Variants in PACSIN2 observed in about 807,000 individuals in gnomAD.
PACSIN2 encodes protein kinase C and casein kinase substrate in neurons 2, also known as protein kinase C and casein kinase substrate in neurons protein 2.
In PACSIN2, 25 loss-of-function variants were observed where a neutral mutation model predicts 63.8. The ratio of observed to expected loss-of-function variants is 0.39; its 90% CI spans 0.29 to 0.55. The LOEUF is 0.55. Among genes scored for constraint, PACSIN2 ranks in the 20% least tolerant of loss-of-function variants. PACSIN2 has a pLI of 0.62. For missense variants in PACSIN2, 518 were observed against 646.9 expected (o/e 0.80, Z 2.16); for synonymous variants, 255 against 256.2 (o/e 1.00, Z 0.05).
chr22:42,980,178 A>G (rs1921985272), intron 1 of PACSIN2, among the ~76,000 whole-genome samples: 1 of 152,212 alleles, frequency 6.6e-6, no homozygotes, highest in Non-Finnish European at 1.5e-5. Flanking sequence ...TTCCACATTC[A>G]TGTTGCTTCT....
intron 7 of PACSIN2, among the ~76,000 whole-genome samples, chr22:42,881,099 T>A (rs1031638903): frequency 6.6e-6 from 1 of 152,128 alleles, no homozygotes; most frequent in African/African-American, 2.4e-5. Context: ...TGGGAGCAAG[T>A]CCTGGGGCTG....
intron 1 of PACSIN2, among the ~76,000 whole-genome samples, chr22:42,983,088 G>A (rs1346941109): frequency 6.6e-6 from 1 of 151,060 alleles, no homozygotes; most frequent in Non-Finnish European, 1.5e-5. Context: ...AAGCTGAGGC[G>A]GGTGGATTAC....
At chr22:42,901,357 G>A (rs985403385) in intron 2 of PACSIN2, among the ~76,000 whole-genome samples, 4 of 152,180 alleles carry the variant, frequency 2.6e-5, no homozygotes, top group Non-Finnish European at 2.9e-5. Context: ...CAACTCTTTA[G>A]GGATTCCTTA....
intron 1 of PACSIN2, among the ~76,000 whole-genome samples, chr22:42,972,820 C>T (rs966194760): frequency 3.9e-5 from 6 of 152,198 alleles, no homozygotes; most frequent in Non-Finnish European, 7.3e-5. Flanking sequence ...CCTCAGCCTC[C>T]TGTGTACCTG....
intron 1 of PACSIN2, among the ~76,000 whole-genome samples, chr22:42,991,823 A>G (rs1391566705): frequency 6.6e-6 from 1 of 152,096 alleles, no homozygotes. Context: ...AAAAAAAAAA[A>G]AAAAAAACCT....
intron 1 of PACSIN2, among the ~76,000 whole-genome samples, chr22:42,989,885 T>C (rs71328664): frequency 0.039 from 5,199 of 131,670 alleles, 163 homozygotes; most frequent in Middle Eastern, 0.079. Flanking sequence ...TATATATATA[T>C]ACACACACAC....
intron 8 of PACSIN2, among the ~76,000 whole-genome samples, chr22:42,877,963 T>A (rs1225510609): frequency 6.6e-6 from 1 of 152,222 alleles, no homozygotes; most frequent in African/African-American, 2.4e-5. Context: ...AGGGTGATCC[T>A]GAGTGGCCAG....
At chr22:42,895,166 C>T (rs1569235390) in intron 2 of PACSIN2, among the ~76,000 whole-genome samples, 2 of 152,240 alleles carry the variant, frequency 1.3e-5, no homozygotes, top group South Asian at 4.1e-4. Context: ...TGAGCTGAAC[C>T]TGAGCATCCA....
At chr22:43,012,307 C>CA (rs35192048) in intron 1 of PACSIN2, among the ~76,000 whole-genome samples, 20,593 of 51,688 alleles carry the variant, frequency 0.4, 5,436 homozygotes, top group Non-Finnish European at 0.49. Flanking sequence ...GACTCTCTCT[C>CA]AAAAAAAAAA....
At chr22:42,911,201 G>A (rs1931432514) in intron 2 of PACSIN2, among the ~76,000 whole-genome samples, 1 of 152,020 alleles carries the variant, frequency 6.6e-6, no homozygotes, top group Non-Finnish European at 1.5e-5. Flanking sequence ...ACTGCGCCCG[G>A]CCATGCAAAG....
In PACSIN2 at chr22:42,962,468, A is replaced by G. The variant is rs114244130; in HGVS notation, c.-77-50311T>C. ...CAGGCTACACAACACTGCCCCTCCAACTTGACTTCCCTCAACGGTCAGAAC... is the reference window on the plus strand; with the variant it reads ...CAGGCTACACAACACTGCCCCTCCAGCTTGACTTCCCTCAACGGTCAGAAC... On this transcript the variant is annotated intron_variant, in intron 1 of 10. Transcript: ENST00000263246. Among the ~76,000 whole-genome samples the G allele has an allele frequency of 6.5e-3, 987 of 152,052 alleles. 13 individuals carry two copies. The highest frequency in any genetic ancestry group is 0.023 in the African/African-American group (957 of 41,472).
intron 1 of PACSIN2, among the ~76,000 whole-genome samples, chr22:42,923,673 C>T (rs1326722863): frequency 4.6e-5 from 7 of 152,256 alleles, no homozygotes; most frequent in South Asian, 2.1e-4. Context: ...GTGATCCGCC[C>T]GCCTCGGCCT....
intron 6 of PACSIN2, 88 bp from the exon 7 acceptor site, chr22:42,882,392 G>A: frequency 6.9e-7 from 1 of 1,445,730 alleles, no homozygotes; most frequent in Non-Finnish European, 9.4e-7. Context: ...CAGGTCCCGT[G>A]GTCTCTGCCC....
At chr22:42,906,798 C>T (rs1013317333) in intron 2 of PACSIN2, among the ~76,000 whole-genome samples, 17 of 152,144 alleles carry the variant, frequency 1.1e-4, no homozygotes, top group South Asian at 2.1e-4. Context: ...ACGAAGATTA[C>T]GCAATATACA....
At chr22:42,915,319 T>C (rs1185810199) in intron 1 of PACSIN2, among the ~76,000 whole-genome samples, 2 of 152,202 alleles carry the variant, frequency 1.3e-5, no homozygotes, top group Non-Finnish European at 2.9e-5. Context: ...CATATGCTCT[T>C]AGCTGACCAA....
intron 1 of PACSIN2, among the ~76,000 whole-genome samples, chr22:42,929,725 G>A (rs1014654964): frequency 2.0e-5 from 3 of 152,154 alleles, no homozygotes; most frequent in African/African-American, 7.2e-5. Context: ...AGAGTGACCC[G>A]CCACCCGGGG....
chr22:42,906,726 C>T (rs935491293), intron 2 of PACSIN2, among the ~76,000 whole-genome samples: 1 of 152,166 alleles, frequency 6.6e-6, no homozygotes, highest in Admixed American at 6.5e-5. Context: ...GTTCAGAAAT[C>T]CCAGAACAGC....
intron 1 of PACSIN2, among the ~76,000 whole-genome samples, chr22:42,957,056 C>T (rs1041023392): frequency 1.1e-4 from 17 of 152,134 alleles, no homozygotes; most frequent in South Asian, 1.0e-3. Context: ...ATGGGAGAAG[C>T]GAACTAAGCC....
At chr22:42,924,226 G>T (rs73886179) in intron 1 of PACSIN2, among the ~76,000 whole-genome samples, 1 of 151,998 alleles carries the variant, frequency 6.6e-6, no homozygotes, top group African/African-American at 2.4e-5. Context: ...CAGACCCCCT[G>T]CATCTCTCCA....
Sources: allele counts gnomAD v4.1 joint callset (sites outside exome capture counted in the v4.1 genomes callset), GRCh38; gene constraint gnomAD v4.1.1; transcripts MANE v1.5; gene names NCBI Gene and HGNC (gene_info 2026-07-23, HGNC 2026-07-21).